TBC1D5: variants seen among roughly 807,000 people sequenced by gnomAD.
TBC1D5 encodes TBC1 domain family member 5, also known as TBC1 domain family, member 5.
In TBC1D5, 75 loss-of-function variants were observed where a neutral mutation model predicts 100.3. The ratio of observed to expected loss-of-function variants is 0.75; its 90% CI spans 0.62 to 0.91. TBC1D5 has a LOEUF of 0.91. Ranked by LOEUF, TBC1D5 falls within the 40% of genes least tolerant of loss-of-function variation. TBC1D5 has a pLI of 0.00. For synonymous variants in TBC1D5, 323 were observed against 325.6 expected (o/e 0.99, Z 0.09); for missense variants, 910 against 942.4 (o/e 0.97, Z 0.45).
intron 18 of TBC1D5, among the ~76,000 whole-genome samples, chr3:17,185,816 T>C (rs1319808075): frequency 6.6e-6 from 1 of 152,166 alleles, no homozygotes; most frequent in Non-Finnish European, 1.5e-5. Flanking sequence ...AGCCCATAAA[T>C]TGTTGCTCCT....
chr3:17,403,150 T>C (rs766185787), intron 8 of TBC1D5, 31 bp downstream of exon 8: 8 of 1,525,876 alleles, frequency 5.2e-6, no homozygotes, highest in South Asian at 1.2e-5. Flanking sequence ...ATTTGAATTA[T>C]TGAAAGTAAC....
In TBC1D5 at chr3:17,160,813, T is replaced by C. The variant is rs190571151; in HGVS notation, c.*150A>G. The C allele has an allele frequency of 1.1e-4, 110 of 1,019,348 alleles. No individual in the cohort carries two copies. The East Asian group carries it at 2.8e-3, about 26-fold the overall frequency. The allele number at this position is 1,019,348 out of a possible 1,614,324, so 63.1% of individuals were successfully genotyped here. ...CTTTGTGGCCATATATGCTTCTCTC[T>C]AAGGGGTTTCAAAGGGCTGGACCAA... is the stretch of plus-strand genomic sequence containing the variant. On this transcript the variant is annotated 3_prime_UTR_variant, in exon 22 of 22. Coordinates refer to ENST00000253692, the Ensembl canonical transcript of TBC1D5.
chr3:17,243,105 G>C (rs2076438095), intron 16 of TBC1D5, among the ~76,000 whole-genome samples: 1 of 152,008 alleles, frequency 6.6e-6, no homozygotes, highest in South Asian at 2.1e-4. Context: ...CTCAGACTTG[G>C]GTCACAGACT....
chr3:17,495,956 A>G (rs1326169874), intron 3 of TBC1D5, among the ~76,000 whole-genome samples: 1 of 152,202 alleles, frequency 6.6e-6, no homozygotes, highest in Non-Finnish European at 1.5e-5. Flanking sequence ...AAAGTTCTCA[A>G]TACTATTCAG....
intron 2 of TBC1D5, among the ~76,000 whole-genome samples, chr3:17,578,846 T>C (rs546962824): frequency 1.3e-5 from 2 of 152,140 alleles, no homozygotes; most frequent in South Asian, 4.1e-4. Context: ...GCTAACATAT[T>C]TCTAAGTCTT....
At chr3:17,381,063 C>A (rs2092925358) in intron 9 of TBC1D5, among the ~76,000 whole-genome samples, 1 of 152,002 alleles carries the variant, frequency 6.6e-6, no homozygotes. Flanking sequence ...GGATTTTAAA[C>A]ATGTACAGGG....
intron 15 of TBC1D5, among the ~76,000 whole-genome samples, chr3:17,281,748 T>C (rs1442335606): frequency 2.6e-5 from 4 of 152,236 alleles, no homozygotes; most frequent in African/African-American, 9.6e-5. Context: ...AGTTTACTAC[T>C]TGAATATATT....
intron 2 of TBC1D5, among the ~76,000 whole-genome samples, chr3:17,559,121 T>G (rs1477543867): frequency 6.7e-6 from 1 of 148,800 alleles, no homozygotes; most frequent in Admixed American, 6.8e-5. Flanking sequence ...TAAATAAGAC[T>G]TCATTTTTAA....
At chr3:17,610,683 A>G (rs1056869416) in intron 2 of TBC1D5, among the ~76,000 whole-genome samples, 2 of 152,164 alleles carry the variant, frequency 1.3e-5, no homozygotes, top group Non-Finnish European at 2.9e-5. Flanking sequence ...AGACATATAA[A>G]TCATGATGTT....
intron 2 of TBC1D5, among the ~76,000 whole-genome samples, chr3:17,525,918 C>T (rs115372771): frequency 0.012 from 1,849 of 152,052 alleles, 31 homozygotes; most frequent in African/African-American, 0.037. Flanking sequence ...AAAATATATC[C>T]GTCGGAACAG....
At chr3:17,246,505 A>G (rs781775007) in intron 16 of TBC1D5, among the ~76,000 whole-genome samples, 32 of 152,256 alleles carry the variant, frequency 2.1e-4, no homozygotes, top group Non-Finnish European at 3.7e-4. Flanking sequence ...GACTCAGCCT[A>G]CTTAAAATCA....
chr3:17,344,493 A>C (rs2089553675), intron 13 of TBC1D5, among the ~76,000 whole-genome samples: 1 of 151,274 alleles, frequency 6.6e-6, no homozygotes, highest in Non-Finnish European at 1.5e-5. Context: ...CATACTGCCC[A>C]AGGTAATTTA....
At chr3:17,666,631 A>C (rs542705713) in intron 1 of TBC1D5, among the ~76,000 whole-genome samples, 1 of 152,314 alleles carries the variant, frequency 6.6e-6, no homozygotes, top group African/African-American at 2.4e-5. Context: ...ATTAAGTAGG[A>C]CACCGAGTAC....
chr3:17,265,804 T>A (rs1299474097), intron 15 of TBC1D5, among the ~76,000 whole-genome samples: 1 of 151,816 alleles, frequency 6.6e-6, no homozygotes, highest in African/African-American at 2.4e-5. Context: ...AAACTCTCCC[T>A]AAAATAATTA....
intron 13 of TBC1D5, among the ~76,000 whole-genome samples, chr3:17,355,050 T>C (rs1674146844): frequency 6.6e-6 from 1 of 152,158 alleles, no homozygotes; most frequent in African/African-American, 2.4e-5. Context: ...CCAACTGGAC[T>C]GTAGTTTGCA....
At chr3:17,571,256 T>C (rs2096625317) in intron 2 of TBC1D5, among the ~76,000 whole-genome samples, 1 of 152,016 alleles carries the variant, frequency 6.6e-6, no homozygotes, top group Non-Finnish European at 1.5e-5. Flanking sequence ...GCAACTACAA[T>C]ACCTTTGTAC....
chr3:17,374,264 AT>A (rs1269272117), intron 12 of TBC1D5, among the ~76,000 whole-genome samples: 1 of 152,148 alleles, frequency 6.6e-6, no homozygotes, highest in Non-Finnish European at 1.5e-5. Context: ...ATGTATTTAT[AT>A]GAAATTTTTA....
At chr3:17,468,770 G>C (rs2095339109) in intron 3 of TBC1D5, among the ~76,000 whole-genome samples, 1 of 152,128 alleles carries the variant, frequency 6.6e-6, no homozygotes, top group Admixed American at 6.5e-5. Context: ...GAAACTGCAG[G>C]CTGTTTCATA....
chr3:17,202,196 G>A (rs559390529), intron 18 of TBC1D5, among the ~76,000 whole-genome samples: 7 of 152,236 alleles, frequency 4.6e-5, no homozygotes, highest in African/African-American at 1.7e-4. Context: ...CATTAGTAAA[G>A]AGACTGGTGG....
Sources: gnomAD v4.1 joint callset for allele counts (sites outside exome capture counted in the v4.1 genomes callset) on GRCh38, gnomAD v4.1.1 for gene constraint, MANE v1.5 for transcripts, NCBI Gene and HGNC (gene_info 2026-07-23, HGNC 2026-07-21) for gene names.